Variants in EVC2 observed in about 807,000 individuals in gnomAD.
EVC2 encodes the protein EvC ciliary complex subunit 2, also known as limbin.
A neutral mutation model predicts 149.3 loss-of-function variants in EVC2; 148 were observed. That is an observed-to-expected ratio of 0.99 (90% confidence interval 0.87 to 1.14). EVC2 has a LOEUF of 1.14. Ranked by LOEUF, EVC2 falls within the 50% of genes most tolerant of loss-of-function variation. The pLI is 0.00. For missense variants in EVC2, 1,854 were observed against 1,627.3 expected (o/e 1.14, Z -2.40); for synonymous variants, 776 against 649.9 (o/e 1.19, Z -2.95).
In EVC2 at chr4:5,565,250, A is replaced by C. The variant is rs200119306; in HGVS notation, c.3659+8T>G. ...TCCCCAGCCACATGAGCAGGTGCCCATCATTACCTCTGCTTTCTCTTGCGG... is the reference window on the plus strand; with the variant it reads ...TCCCCAGCCACATGAGCAGGTGCCCCTCATTACCTCTGCTTTCTCTTGCGG... On this transcript the variant is annotated splice_region_variant and intron_variant, in intron 21 of 21. Coordinates refer to ENST00000344408, the MANE Select transcript of EVC2 (RefSeq NM_147127.5). The C allele has an allele frequency of 6.2e-7, 1 of 1,613,128 alleles. No individual in the cohort carries two copies. The highest frequency in any genetic ancestry group is 1.1e-5 in the South Asian group (1 of 91,054).
chr4:5,598,160 T>C (rs1340785144), intron 16 of EVC2, among the ~76,000 whole-genome samples: 203 of 151,968 alleles, frequency 1.3e-3, no homozygotes, highest in Non-Finnish European at 2.0e-3. Context: ...AATTTATAGA[T>C]TCAATGCCAT....
At chr4:5,659,581 A>G (rs1418529777) in intron 9 of EVC2, among the ~76,000 whole-genome samples, 1 of 152,152 alleles carries the variant, frequency 6.6e-6, no homozygotes, top group Non-Finnish European at 1.5e-5. Context: ...TGCATGCTTG[A>G]TAATCAATGC....
At chr4:5,535,755 G>A in the EVC2 span, among the ~76,000 whole-genome samples, 5 of 152,048 alleles carry the variant, frequency 3.3e-5, no homozygotes, top group East Asian at 3.9e-4. The surrounding 1 kb of genome is among the most constrained non-coding windows in gnomAD (Gnocchi z 4.7). Context: ...AAATACCATC[G>A]CATTAGGGGC....
At chr4:5,659,990 A>G (rs75321873) in intron 9 of EVC2, among the ~76,000 whole-genome samples, 4,497 of 152,328 alleles carry the variant, frequency 0.03, 198 homozygotes, top group African/African-American at 0.099. Context: ...TCATTTGATA[A>G]TTAGCTGCTC....
At position 5,618,426 on chromosome 4, in the gene EVC2, AGCT is replaced by A; in HGVS notation, c.2706+49_2706+51del. The stretch of plus-strand genomic sequence containing the variant: ...AGAGGCCAGACCCTGTAGGGCCAGC[AGCT>A]GGGAGACGGCCCTGCTTCTGTAATC... On this transcript the variant is annotated intron_variant, in intron 15 of 21. Coordinates refer to ENST00000344408, the MANE Select transcript of EVC2 (RefSeq NM_147127.5). The surrounding 1 kb of genome is among the most constrained non-coding windows in gnomAD (Gnocchi z 4.4). 6.2e-7 allele frequency: 1 copy of A among 1,605,096 alleles called. No homozygotes were observed. Among genetic ancestry groups the A allele is most frequent in the Non-Finnish European group, 8.5e-7 (1 of 1,174,068 alleles).
chr4:5,539,624 A>G (rs564643492), downstream of EVC2, among the ~76,000 whole-genome samples: 33 of 152,338 alleles, frequency 2.2e-4, no homozygotes, highest in South Asian at 1.2e-3. Flanking sequence ...ATATATAAAT[A>G]CACTCACTCA....
At chr4:5,659,456 G>T (rs187838765) in intron 9 of EVC2, among the ~76,000 whole-genome samples, 1 of 151,378 alleles carries the variant, frequency 6.6e-6, no homozygotes, top group Non-Finnish European at 1.5e-5. Flanking sequence ...CAACCACAAT[G>T]CCTGAAACTG....
intron 7 of EVC2, among the ~76,000 whole-genome samples, chr4:5,671,726 T>C (rs1719662945): frequency 6.6e-6 from 1 of 152,130 alleles, no homozygotes; most frequent in Non-Finnish European, 1.5e-5. Flanking sequence ...TGGCCAGGCT[T>C]GTCTTAAACT....
At chr4:5,635,072 T>C (rs1286959207) in intron 10 of EVC2, among the ~76,000 whole-genome samples, 2 of 135,470 alleles carry the variant, frequency 1.5e-5, no homozygotes, top group African/African-American at 5.4e-5. Flanking sequence ...AGTCTCACTC[T>C]TTCGCCCAGG....
intron 6 of EVC2, among the ~76,000 whole-genome samples, chr4:5,684,054 T>C (rs1269287784): frequency 6.6e-6 from 1 of 152,216 alleles, no homozygotes; most frequent in Non-Finnish European, 1.5e-5. Flanking sequence ...GCTTACCTTG[T>C]CTTTTCCTTA....
At chr4:5,709,142 C>G (rs540102876), upstream of EVC2, 2 of 152,858 alleles carry the variant, frequency 1.3e-5, no homozygotes, top group Non-Finnish European at 2.9e-5. Flanking sequence ...AACAGGCCAG[C>G]CGCTGGGCCA....
intron 5 of EVC2, among the ~76,000 whole-genome samples, chr4:5,687,946 C>T (rs1720836264): frequency 6.6e-6 from 1 of 152,162 alleles, no homozygotes; most frequent in Non-Finnish European, 1.5e-5. Flanking sequence ...TTGCAGAAGC[C>T]ACGCAGCTTC....
intron 1 of EVC2, among the ~76,000 whole-genome samples, chr4:5,707,415 A>G (rs1722281587): frequency 6.6e-6 from 1 of 152,034 alleles, no homozygotes. Context: ...GGGCAGCATC[A>G]ATGGGCCAGA....
chr4:5,614,841 A>T lies in EVC2; in HGVS notation c.2829+581T>A, dbSNP rs2108827964. Among the ~76,000 whole-genome samples the T allele has an allele frequency of 6.6e-6, 1 of 151,292 alleles. No individual in the cohort carries two copies. Among genetic ancestry groups the T allele is most frequent in the South Asian group, 2.1e-4 (1 of 4,796 alleles). ...AAAAATACAAAAATTAGCAGGTGTG[A>T]TGGTGGGTGCCTGTAATCCCAGCTA... On this transcript the variant is annotated intron_variant, in intron 16 of 21. Coordinates refer to ENST00000344408, the MANE Select transcript of EVC2 (RefSeq NM_147127.5). This position sits in a 1 kb window ranked among gnomAD's most constrained non-coding sequence, Gnocchi z 4.7.
chr4:5,644,986 T>C (rs1016835233), intron 9 of EVC2, among the ~76,000 whole-genome samples: 4 of 152,252 alleles, frequency 2.6e-5, no homozygotes, highest in African/African-American at 9.6e-5. Flanking sequence ...GTGATAAACA[T>C]GAGAATGCAG....
At chr4:5,560,468 A>G (rs1560119597), downstream of EVC2, among the ~76,000 whole-genome samples, 1 of 152,182 alleles carries the variant, frequency 6.6e-6, no homozygotes, top group Non-Finnish European at 1.5e-5. This position sits in a 1 kb window ranked among gnomAD's most constrained non-coding sequence, Gnocchi z 4.1. Context: ...AAGGACTGCC[A>G]GCAGGGGAAA....
chr4:5,703,759 T>C (rs1721970632), intron 1 of EVC2, among the ~76,000 whole-genome samples: 1 of 152,180 alleles, frequency 6.6e-6, no homozygotes, highest in African/African-American at 2.4e-5. Context: ...ATACTATATA[T>C]ATTATACAAA....
intron 12 of EVC2, 40 bp downstream of exon 12, chr4:5,628,519 C>G (rs1386690850): frequency 1.2e-6 from 2 of 1,612,370 alleles, no homozygotes; most frequent in Non-Finnish European, 8.5e-7. Context: ...AGAAAACAGA[C>G]TAAGACAGTT....
rs1304539471 is a variant in EVC2 at position 5,625,275 on chromosome 4, C to T, written c.2046+474G>A. Among the ~76,000 whole-genome samples, 1 of 150,434 alleles carries T rather than the reference C, an allele frequency of 6.6e-6. No homozygotes were observed. Among genetic ancestry groups the T allele is most frequent in the Non-Finnish European group, 1.5e-5 (1 of 67,646 alleles). ...TTAGAGTCCCCAAATACATGCCATG[C>T]GTGCCACTTACTAGATATTTGACCT... On this transcript the variant is annotated intron_variant, in intron 13 of 21. Coordinates refer to ENST00000344408, the MANE Select transcript of EVC2 (RefSeq NM_147127.5). The surrounding 1 kb of genome is among the most constrained non-coding windows in gnomAD (Gnocchi z 4.0).
Sources: allele counts gnomAD v4.1 joint callset (sites outside exome capture counted in the v4.1 genomes callset), GRCh38; gene constraint gnomAD v4.1.1; non-coding constraint Gnocchi (gnomAD v3.1); transcripts MANE v1.5; gene names NCBI Gene and HGNC (gene_info 2026-07-23, HGNC 2026-07-21).